LIN7A: variants seen among roughly 807,000 people sequenced by gnomAD.
LIN7A encodes the protein lin-7 cell polarity scaffold A.
Under a neutral mutation model 29.8 loss-of-function variants are expected in LIN7A, and 25 were observed. The ratio of observed to expected loss-of-function variants is 0.84; its 90% CI spans 0.61 to 1.17. The LOEUF (loss-of-function observed/expected upper bound fraction) is 1.17. Ranked by LOEUF, LIN7A falls within the 50% of genes most tolerant of loss-of-function variation. LIN7A has a pLI of 0.00. For synonymous variants in LIN7A, 118 were observed against 107.5 expected (o/e 1.10, Z -0.60); for missense variants, 239 against 287.0 (o/e 0.83, Z 1.21).
chr12:80,805,538 G>A (rs1870934561), intron 5 of LIN7A, among the ~76,000 whole-genome samples: 1 of 151,952 alleles, frequency 6.6e-6, no homozygotes, highest in South Asian at 2.1e-4. Flanking sequence ...TGGAGGTCAG[G>A]GACACGATTT....
At chr12:80,834,807 CA>C (rs1872536346) in intron 4 of LIN7A, among the ~76,000 whole-genome samples, 1 of 150,032 alleles carries the variant, frequency 6.7e-6, no homozygotes, top group African/African-American at 2.5e-5. Context: ...GATATAAATC[CA>C]TTATGGAAAA....
At chr12:80,937,553 C>G (rs1220554407) in intron 1 of LIN7A, 88 bp downstream of exon 1, 2 of 944,958 alleles carry the variant, frequency 2.1e-6, no homozygotes, top group East Asian at 6.5e-5. Flanking sequence ...TGCCTGAGCG[C>G]GTCCCATGTC....
chr12:80,927,155 CTTT>C (rs929026269), intron 1 of LIN7A, among the ~76,000 whole-genome samples: 98 of 75,520 alleles, frequency 1.3e-3, no homozygotes, highest in African/African-American at 5.3e-3. Flanking sequence ...TTTTCTTTTT[CTTT>C]TTTTTTTTTT....
intron 2 of LIN7A, 94 bp downstream of exon 2, chr12:80,889,157 A>G (rs1229608172): frequency 3.9e-6 from 3 of 766,980 alleles, no homozygotes; most frequent in Admixed American, 2.1e-5. Flanking sequence ...TGTAGTTCCA[A>G]TCTTAACAAT....
intron 1 of LIN7A, among the ~76,000 whole-genome samples, chr12:80,927,225 GATCTCGGCT>G (rs1369319317): frequency 7.6e-6 from 1 of 132,326 alleles, no homozygotes; most frequent in Non-Finnish European, 1.5e-5. Context: ...GCAGTGGCGT[GATCTCGGCT>G]CATTGCAAGC....
intron 2 of LIN7A, among the ~76,000 whole-genome samples, chr12:80,875,261 A>T (rs888237905): frequency 1.3e-5 from 2 of 152,164 alleles, no homozygotes; most frequent in Non-Finnish European, 2.9e-5. Flanking sequence ...CAACCCCCTG[A>T]ATTTTTAATA....
At chr12:80,921,097 T>G (rs552416291) in intron 1 of LIN7A, among the ~76,000 whole-genome samples, 23 of 152,050 alleles carry the variant, frequency 1.5e-4, no homozygotes, top group Non-Finnish European at 1.9e-4. Flanking sequence ...GTAAGGACTT[T>G]GAGATATGAT....
chr12:80,821,448 A>G (rs1445625988), intron 4 of LIN7A, among the ~76,000 whole-genome samples: 1 of 152,040 alleles, frequency 6.6e-6, no homozygotes, highest in Non-Finnish European at 1.5e-5. Context: ...TGATCATCTG[A>G]GCCTTCAGTA....
intron 1 of LIN7A, among the ~76,000 whole-genome samples, chr12:80,928,705 C>G (rs1281913361): frequency 6.6e-6 from 1 of 152,072 alleles, no homozygotes; most frequent in Non-Finnish European, 1.5e-5. Context: ...AAGTAGATCC[C>G]ATTTGTCTAT....
intron 5 of LIN7A, among the ~76,000 whole-genome samples, chr12:80,801,747 T>C (rs888054713): frequency 6.6e-6 from 1 of 152,186 alleles, no homozygotes; most frequent in Non-Finnish European, 1.5e-5. Flanking sequence ...ATTTAACTCA[T>C]CATTCTGTGC....
chr12:80,825,945 G>A (rs1269842518), intron 4 of LIN7A, among the ~76,000 whole-genome samples: 1 of 152,158 alleles, frequency 6.6e-6, no homozygotes, highest in African/African-American at 2.4e-5. Context: ...GCAAATCTGG[G>A]CAGAAGTTGT....
chr12:80,829,154 G>A (rs908854358), intron 4 of LIN7A, among the ~76,000 whole-genome samples: 2 of 152,002 alleles, frequency 1.3e-5, no homozygotes, highest in Non-Finnish European at 2.9e-5. Flanking sequence ...AAGTAGTTTG[G>A]GCAAAATAAG....
At chr12:80,895,844 G>A (rs1303992939) in intron 1 of LIN7A, among the ~76,000 whole-genome samples, 2 of 152,184 alleles carry the variant, frequency 1.3e-5, no homozygotes, top group East Asian at 3.9e-4. Flanking sequence ...TGCTAAGGAT[G>A]GTGGAGTAGG....
chr12:80,892,602 T>G (rs1405737471), intron 1 of LIN7A, among the ~76,000 whole-genome samples: 1 of 152,162 alleles, frequency 6.6e-6, no homozygotes, highest in Non-Finnish European at 1.5e-5. Context: ...TTAGAAGTTA[T>G]TAATGCCTGA....
At chr12:80,806,003 A>T in intron 5 of LIN7A, among the ~76,000 whole-genome samples, 1 of 151,422 alleles carries the variant, frequency 6.6e-6, no homozygotes, top group Non-Finnish European at 1.5e-5. Flanking sequence ...GCTTGAACCC[A>T]GGAGGCAGAG....
At chr12:80,832,886 A>C (rs60899887) in intron 4 of LIN7A, among the ~76,000 whole-genome samples, 59,749 of 151,480 alleles carry the variant, frequency 0.39, 11,867 homozygotes, top group Non-Finnish European at 0.42. Flanking sequence ...GGACAGTTCA[A>C]AAGGTCTGGG....
chr12:80,880,590 G>T (rs1020789141), intron 2 of LIN7A, among the ~76,000 whole-genome samples: 5 of 152,108 alleles, frequency 3.3e-5, no homozygotes, highest in Non-Finnish European at 5.9e-5. Context: ...GATGGTGAGG[G>T]CAATATGTCT....
intron 1 of LIN7A, among the ~76,000 whole-genome samples, chr12:80,890,697 G>A (rs958620882): frequency 6.6e-6 from 1 of 152,080 alleles, no homozygotes; most frequent in Non-Finnish European, 1.5e-5. Context: ...GACACTGCCA[G>A]TTTCCAAAGT....
chr12:80,799,227 T>C (rs74111437), intron 5 of LIN7A, among the ~76,000 whole-genome samples: 9,998 of 152,178 alleles, frequency 0.066, 1,099 homozygotes, highest in African/African-American at 0.23. Context: ...CTGCAACAAA[T>C]GTTAGTATTG....
Sources: allele counts gnomAD v4.1 joint callset (sites outside exome capture counted in the v4.1 genomes callset), GRCh38; gene constraint gnomAD v4.1.1; transcripts MANE v1.5; gene names NCBI Gene and HGNC (gene_info 2026-07-23, HGNC 2026-07-21).